TSPAN12: variants seen among roughly 807,000 people sequenced by gnomAD.
TSPAN12 encodes the protein tetraspanin 12, also known as tetraspanin-12.
In TSPAN12, 19 loss-of-function variants were observed where a neutral mutation model predicts 39.2. The ratio of observed to expected loss-of-function variants is 0.49; its 90% confidence interval spans 0.34 to 0.71. The LOEUF is 0.71. TSPAN12 is among the 30% of genes least tolerant of loss of function. The probability of loss-of-function intolerance (pLI) is 0.01; values close to 1 mark genes in which losing one functional copy is unlikely to be tolerated. For missense variants in TSPAN12, 314 were observed against 359.9 expected, an observed-to-expected ratio of 0.87 and a Z score of 1.03; for synonymous variants, 119 against 124.8, an observed-to-expected ratio of 0.95 and a Z score of 0.31.
chr7:120,853,471 GAT>G (rs375897054), intron 2 of TSPAN12, among the ~76,000 whole-genome samples: 2,003 of 137,966 alleles, frequency 0.015, 45 homozygotes, highest in African/African-American at 0.04. Context: ...AAGAAATGCA[GAT>G]ATATATATAT....
At chr7:120,808,948 T>A (rs988884518) in intron 6 of TSPAN12, among the ~76,000 whole-genome samples, 1 of 151,184 alleles carries the variant, frequency 6.6e-6, no homozygotes, top group African/African-American at 2.4e-5. Flanking sequence ...ATGACTGATG[T>A]ACTTATTAGG....
At chr7:120,842,189 C>T (rs1409843592) in intron 2 of TSPAN12, among the ~76,000 whole-genome samples, 1 of 152,158 alleles carries the variant, frequency 6.6e-6, no homozygotes, top group African/African-American at 2.4e-5. Flanking sequence ...GTGCTTTCTG[C>T]ATGAAAGCTC....
At position 120,850,245 on chromosome 7, in the gene TSPAN12, T is replaced by G. The variant is rs563973157; in HGVS notation, c.66+6453A>C. 3.3e-5 allele frequency among the ~76,000 whole-genome samples: 5 copies of G among 152,332 alleles called. No homozygotes were observed. In the East Asian group the frequency reaches 9.6e-4, roughly 29 times the overall value. ...CGATAGTTTTTCTAGACCACCATGT[T>G]TTCCTATAGATAGGGTGACCATGCA... On this transcript the variant is annotated intron_variant, in intron 2 of 7. Transcript: ENST00000222747.
intron 4 of TSPAN12, among the ~76,000 whole-genome samples, chr7:120,834,486 GT>G (rs558679279): frequency 3.8e-4 from 58 of 152,256 alleles, no homozygotes; most frequent in African/African-American, 1.3e-3. Context: ...ATAAAGACCT[GT>G]TTTGAGGAAG....
intron 6 of TSPAN12, among the ~76,000 whole-genome samples, chr7:120,807,306 A>G (rs1793893366): frequency 6.6e-6 from 1 of 152,130 alleles, no homozygotes; most frequent in South Asian, 2.1e-4. Flanking sequence ...CTCAGAAGAA[A>G]TGGTGTGTGT....
rs1793878042 is a variant in TSPAN12 at position 120,806,586 on chromosome 7, T to C, written c.575A>G (p.Gln192Arg). ...CVREFPGCSKQAHQEDLSDLY... is the reference protein window; with the variant it reads ...CVREFPGCSKRAHQEDLSDLY... ...GTCACTGAGATCTTCCTGGTGGGCCTGTTTGGAACATCCTGGGAATTCTCT... is the reference window on the plus strand; with the variant it reads ...GTCACTGAGATCTTCCTGGTGGGCCCGTTTGGAACATCCTGGGAATTCTCT... The change falls in exon 7 of 8, where the codon CAG becomes CGG. Residue 192 changes from glutamine to arginine, a missense_variant. Transcript: ENST00000222747. 1 of 1,613,448 alleles carries C rather than the reference T, an allele frequency of 6.2e-7. No homozygotes were observed. Among genetic ancestry groups the C allele is most frequent in the African/African-American group, 1.3e-5 (1 of 74,884 alleles).
intron 2 of TSPAN12, among the ~76,000 whole-genome samples, chr7:120,847,243 A>C (rs530002473): frequency 2.6e-5 from 4 of 151,320 alleles, no homozygotes; most frequent in Non-Finnish European, 5.9e-5. Context: ...CAAAAAAAAA[A>C]AAAACAAAAA....
At position 120,810,682 on chromosome 7, in the gene TSPAN12, C is replaced by A. The variant is rs3735467; in HGVS notation, c.361-112G>T. ...TACACACGCATACTCGGAATGTCTT[C>A]TAATTGACAAATACTATTTTAAATT... On this transcript the variant is annotated intron_variant, in intron 5 of 7. Transcript: ENST00000222747. 0.69 allele frequency: 501,172 copies of A among 726,282 alleles called. 174,808 individuals carry two copies. Among genetic ancestry groups the A allele is most frequent in the Middle Eastern group, 0.81 (3,483 of 4,322 alleles). 45.0% of individuals were successfully genotyped at this position (726,282 alleles called of 1,614,324 possible). A position where few individuals can be genotyped will look rare whatever the true frequency, so the allele number is the denominator to read the frequency against.
At chr7:120,829,545 T>C (rs1794352543) in intron 4 of TSPAN12, among the ~76,000 whole-genome samples, 1 of 152,212 alleles carries the variant, frequency 6.6e-6, no homozygotes, top group Non-Finnish European at 1.5e-5. Context: ...TTTAAATGAA[T>C]GTTTTCTGGT....
chr7:120,823,816 G>A (rs375428754), intron 4 of TSPAN12, among the ~76,000 whole-genome samples: 1 of 152,110 alleles, frequency 6.6e-6, no homozygotes, highest in Non-Finnish European at 1.5e-5. Context: ...AAGCTTTTTG[G>A]AACTAAATTA....
At chr7:120,816,357 T>A in intron 4 of TSPAN12, among the ~76,000 whole-genome samples, 1 of 105,782 alleles carries the variant, frequency 9.5e-6, no homozygotes. Context: ...TGATAAGGCA[T>A]GCGCAGGCAA....
chr7:120,857,656 C>T (rs1332165583), intron 1 of TSPAN12, among the ~76,000 whole-genome samples, 164 bp downstream of exon 1: 1 of 152,108 alleles, frequency 6.6e-6, no homozygotes, highest in African/African-American at 2.4e-5. Flanking sequence ...GCCACCGACC[C>T]AGCCATCGCG....
chr7:120,805,384 G>A (rs1424637040), intron 7 of TSPAN12, among the ~76,000 whole-genome samples: 2 of 152,080 alleles, frequency 1.3e-5, no homozygotes, highest in Non-Finnish European at 2.9e-5. Context: ...GTTTTGAATG[G>A]TAGTATTCTT....
At chr7:120,846,010 T>C (rs544574380) in intron 2 of TSPAN12, among the ~76,000 whole-genome samples, 1 of 152,180 alleles carries the variant, frequency 6.6e-6, no homozygotes, top group African/African-American at 2.4e-5. Flanking sequence ...TTCCACAGGA[T>C]GTACAGGAAG....
intron 2 of TSPAN12, among the ~76,000 whole-genome samples, chr7:120,856,060 T>C (rs1794864030): frequency 6.6e-6 from 1 of 152,220 alleles, no homozygotes; most frequent in South Asian, 2.1e-4. Context: ...AAGATTTCCA[T>C]GAGCTTGTTA....
intron 4 of TSPAN12, among the ~76,000 whole-genome samples, chr7:120,824,832 T>C (rs1469223361): frequency 6.6e-6 from 1 of 152,192 alleles, no homozygotes; most frequent in Non-Finnish European, 1.5e-5. Flanking sequence ...AATCAATTTA[T>C]TGAGTGCCTA....
In TSPAN12 at chr7:120,856,830, C is replaced by T; in HGVS notation, c.-67G>A. 2 of 1,552,256 alleles carry T rather than the reference C, an allele frequency of 1.3e-6. No individual in the cohort carries two copies. The highest frequency in any genetic ancestry group is 1.1e-5 in the South Asian group (1 of 89,842). On this transcript the variant is annotated 5_prime_UTR_variant, in exon 2 of 8. Coordinates refer to ENST00000222747, the MANE Select transcript of TSPAN12 (RefSeq NM_012338.4). The stretch of plus-strand genomic sequence containing the variant: ...CCTACTCCCAAGGGCAAAACGGCAG[C>T]GATCTGCAGGGGGCGGGGGAGAGAG...
At chr7:120,791,363 G>T (rs1793519386) in intron 7 of TSPAN12, among the ~76,000 whole-genome samples, 1 of 151,624 alleles carries the variant, frequency 6.6e-6, no homozygotes, top group Non-Finnish European at 1.5e-5. Flanking sequence ...AACCATTCAA[G>T]GATACAAAAT....
intron 3 of TSPAN12, 50 bp downstream of exon 3, chr7:120,839,977 G>A (rs750861434): frequency 8.7e-6 from 13 of 1,493,908 alleles, no homozygotes; most frequent in South Asian, 1.1e-5. Context: ...TGAGGGCAAA[G>A]TTACTTAAAA....
Sources: allele counts gnomAD v4.1 joint callset (sites outside exome capture counted in the v4.1 genomes callset), GRCh38; gene constraint gnomAD v4.1.1; transcripts MANE v1.5; gene names NCBI Gene and HGNC (gene_info 2026-07-23, HGNC 2026-07-21).